Variants in TMEM132D observed in about 807,000 individuals in gnomAD.
TMEM132D encodes transmembrane protein 132D.
A neutral mutation model predicts 62.3 loss-of-function variants in TMEM132D; 21 were observed. The ratio of observed to expected loss-of-function variants is 0.34; its 90% CI spans 0.24 to 0.49. The LOEUF (loss-of-function observed/expected upper bound fraction) is 0.49. Ranked by LOEUF, TMEM132D falls within the 20% of genes least tolerant of loss-of-function variation. The probability of loss-of-function intolerance (pLI) is 0.99; values close to 1 mark genes in which losing one functional copy is unlikely to be tolerated. For synonymous variants in TMEM132D, 621 were observed against 575.6 expected, an observed-to-expected ratio of 1.08 and a Z score of -1.13; for missense variants, 1,346 against 1,402.8, an observed-to-expected ratio of 0.96 and a Z score of 0.65.
At chr12:129,082,154 C>T in intron 6 of TMEM132D, 122 bp from the exon 7 acceptor site, 1 of 1,241,494 alleles carries the variant, frequency 8.1e-7, no homozygotes, top group Non-Finnish European at 1.1e-6. Context: ...GAGTTTATAG[C>T]CAGACATGCA....
chr12:129,410,442 C>T (rs1871934615), intron 3 of TMEM132D, among the ~76,000 whole-genome samples: 1 of 152,222 alleles, frequency 6.6e-6, no homozygotes, highest in Non-Finnish European at 1.5e-5. Flanking sequence ...TCACTGCAAT[C>T]TTTGCCACCC....
chr12:129,544,382 G>C (rs1171855463), intron 2 of TMEM132D, among the ~76,000 whole-genome samples: 1 of 152,172 alleles, frequency 6.6e-6, no homozygotes, highest in Non-Finnish European at 1.5e-5. Flanking sequence ...ATATTTTCCT[G>C]TATGGTTTTT....
At chr12:129,852,170 C>G (rs971098223) in intron 1 of TMEM132D, 2 of 152,140 alleles carry the variant, frequency 1.3e-5, no homozygotes, top group African/African-American at 4.8e-5. Context: ...CTTCTAGGGT[C>G]TGGGGAGGGG....
At chr12:129,363,945 C>T (rs1870328621) in intron 3 of TMEM132D, among the ~76,000 whole-genome samples, 1 of 152,210 alleles carries the variant, frequency 6.6e-6, no homozygotes, top group Admixed American at 6.5e-5. Flanking sequence ...TCTCATACAA[C>T]CAGTTAGGCA....
intron 2 of TMEM132D, among the ~76,000 whole-genome samples, chr12:129,612,571 G>A (rs954286431): frequency 9.9e-5 from 15 of 151,962 alleles, no homozygotes; most frequent in African/African-American, 2.9e-4. Flanking sequence ...CCTTAAAAAC[G>A]TATTTGCTTC....
chr12:129,263,127 G>A (rs897999747), intron 4 of TMEM132D, among the ~76,000 whole-genome samples: 5 of 152,164 alleles, frequency 3.3e-5, no homozygotes, highest in African/African-American at 1.2e-4. Context: ...CTCCAGTGGT[G>A]CACTTCACAG....
intron 2 of TMEM132D, among the ~76,000 whole-genome samples, chr12:129,560,951 G>T (rs998352181): frequency 5.3e-5 from 8 of 152,184 alleles, no homozygotes; most frequent in Admixed American, 5.2e-4. Context: ...CAGTGATGGA[G>T]AAGTATGAAC....
intron 2 of TMEM132D, among the ~76,000 whole-genome samples, chr12:129,687,512 A>C (rs929832717): frequency 2.6e-5 from 4 of 152,032 alleles, no homozygotes; most frequent in Non-Finnish European, 5.9e-5. Flanking sequence ...AGCCACTGCC[A>C]ACTGGGTTAC....
chr12:129,661,721 G>A (rs1880242258), intron 2 of TMEM132D, among the ~76,000 whole-genome samples: 1 of 152,108 alleles, frequency 6.6e-6, no homozygotes, highest in African/African-American at 2.4e-5. Flanking sequence ...TGTCATCAAT[G>A]GCAAGGAACA....
At chr12:129,687,006 C>T (rs777068740) in intron 2 of TMEM132D, among the ~76,000 whole-genome samples, 4 of 152,140 alleles carry the variant, frequency 2.6e-5, no homozygotes, top group Non-Finnish European at 5.9e-5. Flanking sequence ...TAAGGTTCCT[C>T]GGATGTTATA....
intron 3 of TMEM132D, among the ~76,000 whole-genome samples, chr12:129,363,079 T>C (rs1290513190): frequency 6.6e-6 from 1 of 152,224 alleles, no homozygotes; most frequent in Non-Finnish European, 1.5e-5. Flanking sequence ...TTAGTATTTT[T>C]AGAGAAAACA....
At chr12:129,353,417 A>G (rs1242561035) in intron 3 of TMEM132D, among the ~76,000 whole-genome samples, 2 of 152,120 alleles carry the variant, frequency 1.3e-5, no homozygotes, top group Admixed American at 6.5e-5. Flanking sequence ...GTCTGAAGGA[A>G]CCCAAACTGT....
chr12:129,703,194 T>C (rs1769740414), intron 1 of TMEM132D, among the ~76,000 whole-genome samples: 1 of 152,168 alleles, frequency 6.6e-6, no homozygotes, highest in Admixed American at 6.5e-5. Flanking sequence ...TCCGTGAACT[T>C]CCCTGTTGAA....
At chr12:129,339,393 A>ATTGCAGAGGTCAGCCTTCCGCTTAAGC (rs72413908) in intron 3 of TMEM132D, among the ~76,000 whole-genome samples, 1 of 151,646 alleles carries the variant, frequency 6.6e-6, no homozygotes, top group African/African-American at 2.4e-5. Flanking sequence ...AAGAACCCCA[A>ATTGCAGAGGTCAGCCTTCCGCTTAAGC]ATCTCTTCCA....
intron 3 of TMEM132D, among the ~76,000 whole-genome samples, chr12:129,477,863 T>C (rs1019453365): frequency 2.6e-5 from 4 of 151,336 alleles, no homozygotes; most frequent in African/African-American, 7.3e-5. Context: ...CACACACATA[T>C]ACAGAGAGAG....
At chr12:129,668,916 C>T (rs1178656189) in intron 2 of TMEM132D, among the ~76,000 whole-genome samples, 2 of 152,190 alleles carry the variant, frequency 1.3e-5, no homozygotes, top group African/African-American at 4.8e-5. Context: ...CTTGTCCACA[C>T]AGAGTCCCTG....
chr12:129,632,166 G>A (rs1879361691), intron 2 of TMEM132D, among the ~76,000 whole-genome samples: 2 of 152,166 alleles, frequency 1.3e-5, no homozygotes, highest in African/African-American at 2.4e-5. Flanking sequence ...AGGAATATAA[G>A]TTAGCACCTT....
chr12:129,084,076 TCTC>T (rs1369751173), intron 6 of TMEM132D, among the ~76,000 whole-genome samples: 1 of 152,050 alleles, frequency 6.6e-6, no homozygotes, highest in Non-Finnish European at 1.5e-5. Context: ...AATTTTCCCT[TCTC>T]CTAGAATTTG....
At chr12:129,379,051 G>A (rs961333646) in intron 3 of TMEM132D, among the ~76,000 whole-genome samples, 4 of 152,078 alleles carry the variant, frequency 2.6e-5, no homozygotes, top group East Asian at 1.9e-4. Context: ...ACCTGATTAT[G>A]GGTAATAAAT....
Sources: gnomAD v4.1 joint callset for allele counts (sites outside exome capture counted in the v4.1 genomes callset) on GRCh38, gnomAD v4.1.1 for gene constraint, MANE v1.5 for transcripts, NCBI Gene and HGNC (gene_info 2026-07-23, HGNC 2026-07-21) for gene names.